Variants in MUC6 observed in about 807,000 individuals in gnomAD.
The protein encoded by MUC6 is mucin-6.
A neutral mutation model predicts 201.5 loss-of-function variants in MUC6; 188 were observed. The ratio of observed to expected loss-of-function variants is 0.93; its 90% CI spans 0.83 to 1.05. MUC6 has a LOEUF of 1.05. MUC6 is among the 50% of genes least tolerant of loss of function. MUC6 has a pLI of 0.00. For synonymous variants in MUC6, 1,228 were observed against 1,389.4 expected, an observed-to-expected ratio of 0.88 and a Z score of 2.58; for missense variants, 2,706 against 3,256.9, an observed-to-expected ratio of 0.83 and a Z score of 4.12.
intron 21 of MUC6, 25 bp from the exon 22 acceptor site, chr11:1,025,940 G>C: frequency 3.1e-6 from 5 of 1,599,298 alleles, no homozygotes; most frequent in Non-Finnish European, 4.3e-6. Context: ...CGCTGAGGAG[G>C]AGCCCTGGAG....
chr11:1,028,267 A>T lies in MUC6; in HGVS notation c.1712T>A (p.Leu571Gln), dbSNP rs568916486. The change falls in exon 14 of 33, where the codon CTG (leucine) becomes CAG (glutamine). Residue 571 changes from leucine (L) to glutamine (Q), a missense_variant. By Grantham distance (113) the Leu-to-Gln change is moderately radical. Transcript: ENST00000421673. ...SWRAGNCPAA[L>Q]ERETDPCSMS... ...GGAGCAGGGGTCAGTCTCACGCTCC[A>T]GAGCGGCCGGACAGTTCCCCGCCCG... 3.1e-6 allele frequency: 5 copies of T among 1,598,516 alleles called. No homozygotes were observed. In the East Asian group the frequency reaches 1.1e-4, roughly 36 times the overall value.
rs1444201294 is a variant in MUC6, at chr11:1,033,141, C to T, written c.53-66G>A. On this transcript the variant is annotated intron_variant, in intron 1 of 32. Transcript: ENST00000421673. The surrounding 1 kb of genome is among the most constrained non-coding windows in gnomAD (Gnocchi z 5.6). Reference sequence around the variant, plus strand: ...TCGTCCCTGAGGGCGCCGCTCACCTCTGCTCAGGGCTGCTCCGCCCGTTTC... The same window carrying T: ...TCGTCCCTGAGGGCGCCGCTCACCTTTGCTCAGGGCTGCTCCGCCCGTTTC... 2.8e-6 allele frequency: 4 copies of T among 1,447,580 alleles called. No homozygotes were observed. The highest frequency in any genetic ancestry group is 2.9e-6 in the Non-Finnish European group (3 of 1,030,668). 89.7% of individuals were successfully genotyped at this position (1,447,580 alleles called of 1,614,324 possible).
intron 1 of MUC6, among the ~76,000 whole-genome samples, chr11:1,035,929 C>G (rs1857205704): frequency 6.6e-6 from 1 of 152,142 alleles, no homozygotes; most frequent in Non-Finnish European, 1.5e-5. Flanking sequence ...CTGGCTCCTT[C>G]TGGGGGCCTG....
At position 1,029,133 on chromosome 11, in the gene MUC6, C is replaced by G; in HGVS notation, c.1293G>C (p.Glu431Asp). The change falls in exon 11 of 33, where the codon GAG (glutamate) becomes GAC (aspartate). Residue 431 changes from glutamate to aspartate, a missense_variant. Transcript: ENST00000421673. ...CGTACACAGCCATGAGGGCACCGTCCTCGGGAAGCTGGGGGCTCTGCGAGG... is the reference window on the plus strand; with the variant it reads ...CGTACACAGCCATGAGGGCACCGTCGTCGGGAAGCTGGGGGCTCTGCGAGG... Reference protein sequence around the residue: ...YILLQSPQLPEDGALMAVYDK... With the variant: ...YILLQSPQLPDDGALMAVYDK... 1.9e-6 allele frequency: 3 copies of G among 1,612,194 alleles called. No individual in the cohort carries two copies. Among genetic ancestry groups the G allele is most frequent in the Non-Finnish European group, 2.5e-6 (3 of 1,179,612 alleles).
chr11:1,021,198 C>T lies in MUC6; in HGVS notation c.3589+17G>A. ...GCAGGCAGGGGCAGGGTTCTCAGGG[C>T]AGCCGACTGGACTTACTGCAGGGCA... is the stretch of plus-strand genomic sequence containing the variant. On this transcript the variant is annotated intron_variant, in intron 27 of 32. Transcript: ENST00000421673. The T allele has an allele frequency of 6.4e-7, 1 of 1,560,280 alleles. No homozygotes were observed. The highest frequency in any genetic ancestry group is 8.6e-7 in the Non-Finnish European group (1 of 1,157,810).
chr11:1,019,607 T>C, intron 29 of MUC6, 111 bp from the exon 30 acceptor site: 1 of 977,040 alleles, frequency 1.0e-6, no homozygotes, highest in Non-Finnish European at 1.6e-6. Flanking sequence ...TGTCCGGGAC[T>C]CAGCCTCCTT....
rs774364602 is a variant in MUC6 at position 1,031,682 on chromosome 11, G to A, written c.408C>T (p.Gly136=). 22 of 1,550,900 alleles carry A rather than the reference G, an allele frequency of 1.4e-5. No individual in the cohort carries two copies. In the South Asian group the frequency reaches 2.6e-4, roughly 18 times the overall value. Reference sequence around the variant, plus strand: ...GCTTGGCCACCAGCCGCACGCTCTGGCCGAAGGGTGTGATCTGGAGTCCAT... The same window carrying A: ...GCTTGGCCACCAGCCGCACGCTCTGACCGAAGGGTGTGATCTGGAGTCCAT... The part of the protein sequence containing the change: ...TSNGLQITPF[G]QSVRLVAKQL... The change falls in exon 4 of 33, where the codon GGC becomes GGT. Residue 136 remains glycine, a synonymous_variant. Coordinates refer to ENST00000421673, the MANE Select transcript of MUC6 (RefSeq NM_005961.3).
chr11:1,032,330 G>T (rs1157528980), intron 2 of MUC6, among the ~76,000 whole-genome samples: 1 of 152,206 alleles, frequency 6.6e-6, no homozygotes, highest in East Asian at 1.9e-4. Flanking sequence ...TCTCGGGTGT[G>T]TGCATACGTG....
At position 1,030,261 on chromosome 11, in the gene MUC6, G is replaced by T. The variant is rs755063343; in HGVS notation, c.967C>A (p.Gln323Lys). Reference sequence around the variant, plus strand: ...GTGCAGGAGCTGGAGCAGCTGTGCTGCGGGTTGGAGCAGGTCTTCACGCAG... The same window carrying T: ...GTGCAGGAGCTGGAGCAGCTGTGCTTCGGGTTGGAGCAGGTCTTCACGCAG... ...SACVKTCSNP[Q>K]HSCSSSCTFG... Residue 323 changes from glutamine to lysine, a missense_variant, in exon 8 of 33, where the codon CAG becomes AAG. Physicochemically the swap from Gln to Lys is moderately conservative, Grantham distance 53 (BLOSUM62 1). This residue lies in a region of MUC6 where 1,850 missense variants were observed against 1,958.3 expected (regional missense o/e 0.94). Coordinates refer to ENST00000421673, the MANE Select transcript of MUC6 (RefSeq NM_005961.3). 22 of 1,550,194 alleles carry T rather than the reference G, an allele frequency of 1.4e-5. No homozygotes were observed. The highest frequency in any genetic ancestry group is 2.0e-5 in the Admixed American group (1 of 51,036).
chr11:1,028,503 G>A, intron 13 of MUC6, 116 bp from the exon 14 acceptor site: 1 of 1,530,766 alleles, frequency 6.5e-7, no homozygotes, highest in Non-Finnish European at 8.8e-7. Flanking sequence ...GAGGCTGCGT[G>A]GGCCACACGT....
At position 1,030,661 on chromosome 11, in the gene MUC6, G is replaced by A. The variant is rs1447251648; in HGVS notation, c.804C>T (p.Asn268=). The A allele has an allele frequency of 1.3e-6, 2 of 1,550,222 alleles. No individual in the cohort carries two copies. Among genetic ancestry groups the A allele is most frequent in the South Asian group, 1.2e-5 (1 of 84,314 alleles). Residue 268 remains asparagine (N), a synonymous_variant, in exon 7 of 33, where the codon AAC becomes AAT. Coordinates refer to ENST00000421673, the MANE Select transcript of MUC6 (RefSeq NM_005961.3). ...VAAAPQPGPQ[N]SSCATLSEYS... The stretch of plus-strand genomic sequence containing the variant: ...ACTCCGACAGGGTGGCACAACTGCT[G>A]TTCTGTGGGCCTGGCTGGGGGGCTG...
rs1391870546 is a variant in MUC6 at position 1,031,939 on chromosome 11, T to G, written c.230A>C (p.Asp77Ala). The G allele has an allele frequency of 6.8e-6, 11 of 1,613,302 alleles. No individual in the cohort carries two copies. Among genetic ancestry groups the G allele is most frequent in the Non-Finnish European group, 9.3e-6 (11 of 1,179,884 alleles). The part of the protein sequence containing the change: ...CNYIFAATCK[D>A]AFPTFSVQLR... ...CTGGACACTGAAGGTGGGGAAGGCG[T>G]CCTTGCAGGTGGCCGCGAAGATGTA... is the stretch of plus-strand genomic sequence containing the variant. The change falls in exon 3 of 33, where the codon GAC (aspartate) becomes GCC (alanine). Residue 77 changes from aspartate to alanine, a missense_variant. By Grantham distance (126) the Asp-to-Ala change is moderately radical. Around this residue, in one of 10 missense-constraint regions of MUC6, gnomAD observed 1,850 missense variants for 1,958.3 expected, o/e 0.94. Coordinates refer to ENST00000421673, the MANE Select transcript of MUC6 (RefSeq NM_005961.3).
chr11:1,013,695 C>T lies in MUC6; in HGVS notation c.7143-62G>A. 2.0e-6 allele frequency: 3 copies of T among 1,508,212 alleles called. No individual in the cohort carries two copies. The South Asian group carries it at 3.6e-5, about 18-fold the overall frequency. 93.4% of individuals were successfully genotyped at this position (1,508,212 alleles called of 1,614,324 possible). On this transcript the variant is annotated intron_variant, in intron 32 of 32. Coordinates refer to ENST00000421673, the MANE Select transcript of MUC6 (RefSeq NM_005961.3). ...CTGCAGGGGCATAAGGCCCCTCCCTCCCCAGGGCAGCTGCTCCGCAGAGGC... is the reference window on the plus strand; with the variant it reads ...CTGCAGGGGCATAAGGCCCCTCCCTTCCCAGGGCAGCTGCTCCGCAGAGGC...
rs1857115236 is a variant in MUC6, at chr11:1,031,886, A to C, written c.283T>G (p.Ser95Ala). ...QLRRGPDGSI[S>A]RIIVELGASV... is the part of the protein sequence containing the mutation. ...GCCCCCAGCTCCACGATGATCCGCG[A>C]GATGCTCCCGTCTGGGCCTCGCCGC... The change falls in exon 3 of 33, where the codon TCG (serine) becomes GCG (alanine). Residue 95 changes from serine to alanine, a missense_variant. Physicochemically the swap from Ser to Ala is moderately conservative, Grantham distance 99 (BLOSUM62 1). Coordinates refer to ENST00000421673, the MANE Select transcript of MUC6 (RefSeq NM_005961.3). 4 of 1,612,806 alleles carry C rather than the reference A, an allele frequency of 2.5e-6. No homozygotes were observed. Among genetic ancestry groups the C allele is most frequent in the Non-Finnish European group, 3.4e-6 (4 of 1,179,858 alleles).
Position 1,025,316 on chromosome 11 carries a change from G to A in MUC6, c.2851C>T (p.Pro951Ser), listed in dbSNP as rs200656236. The change falls in exon 23 of 33, where the codon CCC (proline) becomes TCC (serine). Residue 951 changes from proline (P) to serine (S), a missense_variant. Coordinates refer to ENST00000421673, the MANE Select transcript of MUC6 (RefSeq NM_005961.3). ...GGCGTCACCCCGAGCTGCACGTGGG[G>A]CTCCTCCCCGGTGACCGTGTAGTTT... ...DRNYTVTGEE[P>S]HVQLGVTPGA... 1 of 1,612,396 alleles carries A rather than the reference G, an allele frequency of 6.2e-7. No individual in the cohort carries two copies. Among genetic ancestry groups the A allele is most frequent in the South Asian group, 1.1e-5 (1 of 91,080 alleles).
At chr11:1,022,243 C>G (rs928273665) in intron 26 of MUC6, among the ~76,000 whole-genome samples, 1 of 149,816 alleles carries the variant, frequency 6.7e-6, no homozygotes, top group South Asian at 2.1e-4. Flanking sequence ...CTCGCTTGCT[C>G]TGCCCTCTGC....
At position 1,027,013 on chromosome 11, in the gene MUC6, G is replaced by C. The variant is rs1856976651; in HGVS notation, c.2322C>G (p.Ser774Arg). ...CCCCAAACTTGTTCTCGGAGGACTGGCTGCAGGACTTGAAGGTCTTAGGGG... is the reference window on the plus strand; with the variant it reads ...CCCCAAACTTGTTCTCGGAGGACTGCCTGCAGGACTTGAAGGTCTTAGGGG... ...CQAPKTFKSC[S>R]QSSENKFGAA... The change falls in exon 19 of 33, where the codon AGC (serine) becomes AGG (arginine). Residue 774 changes from serine to arginine, a missense_variant. This residue lies in a region of MUC6 where 1,850 missense variants were observed against 1,958.3 expected (regional missense o/e 0.94). Coordinates refer to ENST00000421673, the MANE Select transcript of MUC6 (RefSeq NM_005961.3). The C allele has an allele frequency of 1.9e-6, 3 of 1,602,776 alleles. No homozygotes were observed. The East Asian group carries it at 6.8e-5, about 36-fold the overall frequency.
In MUC6 at chr11:1,033,806, T is replaced by G. The variant is rs1857162447; in HGVS notation, c.53-731A>C. ...ACTCCCCGGACCCTGCCTCCGAGAC[T>G]ATGACCCTTCCTGTGGCTCCCACGA... is the stretch of plus-strand genomic sequence containing the variant. On this transcript the variant is annotated intron_variant, in intron 1 of 32. Coordinates refer to ENST00000421673, the MANE Select transcript of MUC6 (RefSeq NM_005961.3). The surrounding 1 kb of genome is among the most constrained non-coding windows in gnomAD (Gnocchi z 5.6). Among the ~76,000 whole-genome samples, 1 of 151,720 alleles carries G rather than the reference T, an allele frequency of 6.6e-6. No homozygotes were observed. The highest frequency in any genetic ancestry group is 2.4e-5 in the African/African-American group (1 of 41,298).
At chr11:1,026,283 TG>T in intron 20 of MUC6, 43 bp downstream of exon 20, 1 of 1,550,850 alleles carries the variant, frequency 6.4e-7, no homozygotes, top group Non-Finnish European at 8.7e-7. Flanking sequence ...CTGCCCCAGA[TG>T]GCCCCAGGAG....
Sources: gnomAD v4.1 joint callset for allele counts (sites outside exome capture counted in the v4.1 genomes callset) on GRCh38, gnomAD v4.1.1 for gene constraint, gnomAD v4.1.1 regional missense constraint, Gnocchi (gnomAD v3.1) non-coding constraint, MANE v1.5 for transcripts, NCBI Gene and HGNC (gene_info 2026-07-23, HGNC 2026-07-21) for gene names.